PCDH15: variants seen among roughly 807,000 people sequenced by gnomAD.
The protein encoded by PCDH15 is protocadherin-15.
A neutral mutation model predicts 178.5 loss-of-function variants in PCDH15; 129 were observed. The ratio of observed to expected loss-of-function variants is 0.72; its 90% CI spans 0.63 to 0.84. The LOEUF is 0.84. Ranked by LOEUF, PCDH15 falls within the 40% of genes least tolerant of loss-of-function variation. The probability of loss-of-function intolerance (pLI) is 0.00; values close to 1 mark genes in which losing one functional copy is unlikely to be tolerated. For synonymous variants in PCDH15, 800 were observed against 732.0 expected (o/e 1.09, Z -1.50); for missense variants, 2,230 against 2,099.9 (o/e 1.06, Z -1.21).
At chr10:54,380,813 T>A (rs935887350) in intron 3 of PCDH15, among the ~76,000 whole-genome samples, 21 of 146,692 alleles carry the variant, frequency 1.4e-4, no homozygotes, top group African/African-American at 5.3e-4. Flanking sequence ...AAGCAAATAG[T>A]TTATAACCAG....
intron 2 of PCDH15, among the ~76,000 whole-genome samples, chr10:55,159,388 T>TACACAC (rs56297688): frequency 5.2e-5 from 1 of 19,320 alleles, no homozygotes. Context: ...TATATATATA[T>TACACAC]ACACACATAC....
intron 21 of PCDH15, 133 bp downstream of exon 21, chr10:53,995,516 G>A: frequency 6.6e-7 from 1 of 1,517,504 alleles, no homozygotes; most frequent in East Asian, 2.3e-5. Flanking sequence ...ATAAGTAAAA[G>A]AACATAAAAT....
At chr10:53,824,067 A>C (rs1261615409) in intron 32 of PCDH15, among the ~76,000 whole-genome samples, 25 of 152,288 alleles carry the variant, frequency 1.6e-4, no homozygotes. Flanking sequence ...CCAATCAGAA[A>C]AGATGTTGTC....
At chr10:54,644,389 A>G (rs1025662094) in intron 2 of PCDH15, among the ~76,000 whole-genome samples, 1 of 151,388 alleles carries the variant, frequency 6.6e-6, no homozygotes, top group Admixed American at 6.6e-5. Flanking sequence ...TAAGGCATTA[A>G]TTTTTAAAAA....
At chr10:55,480,698 A>C (rs1315614247) in intron 2 of PCDH15, among the ~76,000 whole-genome samples, 1 of 151,856 alleles carries the variant, frequency 6.6e-6, no homozygotes, top group Non-Finnish European at 1.5e-5. Context: ...ATCATGGTGG[A>C]TAAGCTTTTT....
chr10:55,209,553 A>C (rs1358813510), intron 1 of PCDH15, among the ~76,000 whole-genome samples: 1 of 151,950 alleles, frequency 6.6e-6, no homozygotes, highest in Non-Finnish European at 1.5e-5. Flanking sequence ...TGGGATAAAA[A>C]CTGTCATAAC....
chr10:54,913,639 T>C (rs1051745330), intron 2 of PCDH15, among the ~76,000 whole-genome samples: 5 of 152,134 alleles, frequency 3.3e-5, no homozygotes, highest in Non-Finnish European at 7.3e-5. Context: ...TCCGTCAACA[T>C]CTTGCACCAA....
chr10:55,409,761 G>A (rs1838288087), intron 2 of PCDH15, among the ~76,000 whole-genome samples: 1 of 152,112 alleles, frequency 6.6e-6, no homozygotes. Flanking sequence ...GTAAATATGT[G>A]CACATCCAGG....
intron 1 of PCDH15, among the ~76,000 whole-genome samples, chr10:54,665,017 T>C (rs1482348574): frequency 6.6e-6 from 1 of 151,924 alleles, no homozygotes; most frequent in Non-Finnish European, 1.5e-5. Flanking sequence ...TTTGTAAATT[T>C]AGGAAATTAT....
At chr10:54,487,240 C>T (rs2079174588) in intron 3 of PCDH15, among the ~76,000 whole-genome samples, 1 of 151,954 alleles carries the variant, frequency 6.6e-6, no homozygotes, top group African/African-American at 2.4e-5. Flanking sequence ...ACAACTAAAA[C>T]ACAGAAAGAC....
At position 53,823,935 on chromosome 10, in the gene PCDH15, A is replaced by C. The variant is rs1416798548; in HGVS notation, c.4367+3458T>G. The stretch of plus-strand genomic sequence containing the variant: ...CCCAAAAATCACAATTGAGAAATTG[A>C]ATGTATGCTAGAATTGTGACAGAGG... On this transcript the variant is annotated intron_variant, in intron 32 of 37. Coordinates refer to ENST00000644397, the MANE Select transcript of PCDH15 (RefSeq NM_001384140.1). 5 of 372,670 alleles carry C rather than the reference A, an allele frequency of 1.3e-5. No individual in the cohort carries two copies. The Admixed American group carries it at 1.5e-4, about 11-fold the overall frequency. 23.1% of individuals were successfully genotyped at this position (372,670 alleles called of 1,614,324 possible).
intron 2 of PCDH15, among the ~76,000 whole-genome samples, chr10:55,415,327 T>G (rs1838452743): frequency 6.6e-6 from 1 of 151,716 alleles, no homozygotes; most frequent in Admixed American, 6.6e-5. Context: ...CCTTATAAAC[T>G]ATCAGAGCAC....
chr10:54,539,546 C>T lies in PCDH15; in HGVS notation c.92-11669G>A, dbSNP rs570901048. 2.6e-5 allele frequency among the ~76,000 whole-genome samples: 4 copies of T among 152,244 alleles called. No homozygotes were observed. The South Asian group carries it at 6.2e-4, about 24-fold the overall frequency. ...AATGATAGTGGGGGTCTTCAACACC[C>T]CACTGACAACATTAGACAAATCATT... On this transcript the variant is annotated intron_variant, in intron 2 of 37. Transcript: ENST00000644397.
intron 2 of PCDH15, among the ~76,000 whole-genome samples, chr10:54,912,959 G>T (rs1358233941): frequency 6.6e-6 from 1 of 152,050 alleles, no homozygotes; most frequent in Non-Finnish European, 1.5e-5. Context: ...CTCAAGATGT[G>T]ACCTGGCTGC....
chr10:54,827,223 A>G (rs1418332818), intron 3 of PCDH15, among the ~76,000 whole-genome samples: 4 of 152,114 alleles, frequency 2.6e-5, no homozygotes, highest in Non-Finnish European at 5.9e-5. Context: ...TGCTCTCTCA[A>G]AGAAATGCCA....
Position 54,183,176 on chromosome 10 carries a change from G to A in PCDH15, c.1590+268C>T, listed in dbSNP as rs989722093. On this transcript the variant is annotated intron_variant, in intron 13 of 37. Transcript: ENST00000644397. ...TTGTATTTTTAGTAGAGACAGCGTT[G>A]GTCAGGCTGGTCTCGAACTCCCGAC... Among the ~76,000 whole-genome samples, 11 of 152,122 alleles carry A rather than the reference G, an allele frequency of 7.2e-5. No homozygotes were observed. The East Asian group carries it at 1.7e-3, about 24-fold the overall frequency.
At position 53,806,451 on chromosome 10, in the gene PCDH15, A is replaced by C. The variant is rs1467490513; in HGVS notation, c.*128T>G. 1.0e-5 allele frequency: 8 copies of C among 793,470 alleles called. No individual in the cohort carries two copies. The highest frequency in any genetic ancestry group is 1.6e-5 in the Non-Finnish European group (8 of 515,962). The allele number at this position is 793,470 out of a possible 1,614,324, so 49.2% of individuals were successfully genotyped here. ...AATCTGTCTCTTAAAATTTTAAAGC[A>C]TATTGTTCAAAGTTTTAGCTTGTGT... On this transcript the variant is annotated 3_prime_UTR_variant, in exon 38 of 38. Transcript: ENST00000644397.
chr10:54,739,497 G>T (rs1944512325), intron 1 of PCDH15, among the ~76,000 whole-genome samples: 1 of 150,956 alleles, frequency 6.6e-6, no homozygotes, highest in Admixed American at 6.6e-5. Context: ...GTTCATACCA[G>T]CTAAAGTGAT....
At chr10:53,944,093 G>A (rs1200688160) in intron 23 of PCDH15, among the ~76,000 whole-genome samples, 2 of 151,966 alleles carry the variant, frequency 1.3e-5, no homozygotes, top group South Asian at 2.1e-4. Flanking sequence ...TGAATAAAAT[G>A]GGCTGAATAT....
Sources: allele counts gnomAD v4.1 joint callset (sites outside exome capture counted in the v4.1 genomes callset), GRCh38; gene constraint gnomAD v4.1.1; transcripts MANE v1.5; gene names NCBI Gene and HGNC (gene_info 2026-07-23, HGNC 2026-07-21).